MYO3A: variants seen among roughly 807,000 people sequenced by gnomAD.
The protein encoded by MYO3A is myosin IIIA.
In MYO3A, 180 loss-of-function variants were observed where a neutral mutation model predicts 192.7. That is an observed-to-expected ratio of 0.93 (90% CI 0.83 to 1.06). The LOEUF is 1.06. Ranked by LOEUF, MYO3A falls within the 50% of genes least tolerant of loss-of-function variation. The pLI is 0.00. For synonymous variants in MYO3A, 628 were observed against 645.3 expected (o/e 0.97, Z 0.41); for missense variants, 1,896 against 1,905.0 (o/e 1.00, Z 0.09).
In MYO3A at chr10:26,211,935, A is replaced by G. The variant is rs1364593324; in HGVS notation, c.4823A>G (p.Gln1608Arg). The part of the protein sequence containing the change: ...DFRRLLRKTS[Q>R]RRRLVQQS ...AGGAGGCTCCTGCGCAAAACCTCCCAGCGCCGGCGCCTCGTCCAGCAGTCC... is the reference window on the plus strand; with the variant it reads ...AGGAGGCTCCTGCGCAAAACCTCCCGGCGCCGGCGCCTCGTCCAGCAGTCC... Residue 1608 changes from glutamine (Q) to arginine (R), a missense_variant, in exon 35 of 35, where the codon CAG (glutamine) becomes CGG (arginine). Gln to Arg is a conservative substitution (Grantham distance 43). Transcript: ENST00000642920. The G allele has an allele frequency of 1.2e-6, 2 of 1,613,850 alleles. No individual in the cohort carries two copies. The highest frequency in any genetic ancestry group is 1.7e-6 in the Non-Finnish European group (2 of 1,179,990).
intron 17 of MYO3A, among the ~76,000 whole-genome samples, chr10:26,107,318 C>T (rs184031767): frequency 6.6e-6 from 1 of 151,788 alleles, no homozygotes; most frequent in East Asian, 1.9e-4. Context: ...CGTCTCTACT[C>T]AAAATACAAA....
At chr10:26,159,536 C>T (rs774589696) in intron 26 of MYO3A, among the ~76,000 whole-genome samples, 5 of 150,984 alleles carry the variant, frequency 3.3e-5, no homozygotes, top group Non-Finnish European at 3.0e-5. Context: ...CCCACCACCA[C>T]GCCCGGCTAA....
chr10:25,954,976 G>T lies in MYO3A; in HGVS notation c.271G>T (p.Val91Leu), dbSNP rs775244099. ...TGGGATATACTTTAAGAAGGATAAA[G>T]TAAATGGAGACAAGCTGTGGTTGGT... ...FYGIYFKKDK[V>L]NGDKLWLVLE... Residue 91 changes from valine (V) to leucine (L), a missense_variant, in exon 4 of 35, where the codon GTA becomes TTA. Physicochemically the swap from Val to Leu is conservative, Grantham distance 32. Coordinates refer to ENST00000642920, the MANE Select transcript of MYO3A (RefSeq NM_017433.5). 6 of 1,613,002 alleles carry T rather than the reference G, an allele frequency of 3.7e-6. No homozygotes were observed. In the African/African-American group the frequency reaches 4.0e-5, roughly 11 times the overall value.
chr10:26,015,552 G>C (rs1483633085), intron 6 of MYO3A, among the ~76,000 whole-genome samples: 2 of 152,046 alleles, frequency 1.3e-5, no homozygotes, highest in Non-Finnish European at 2.9e-5. Flanking sequence ...TTTCTTTCCA[G>C]CTTAAGTTTA....
intron 34 of MYO3A, among the ~76,000 whole-genome samples, chr10:26,208,431 C>G (rs928048733): frequency 6.6e-6 from 1 of 152,152 alleles, no homozygotes; most frequent in Non-Finnish European, 1.5e-5. Flanking sequence ...TGAATCTGCA[C>G]TCCACTTCTT....
intron 7 of MYO3A, 68 bp from the exon 8 acceptor site, chr10:26,021,435 C>A (rs1842295074): frequency 1.9e-6 from 3 of 1,543,236 alleles, no homozygotes; most frequent in East Asian, 4.5e-5. Flanking sequence ...ATGCTTTGTT[C>A]TAAGTATTTT....
chr10:26,149,288 G>A (rs1840651568), intron 23 of MYO3A, among the ~76,000 whole-genome samples: 1 of 151,996 alleles, frequency 6.6e-6, no homozygotes, highest in Non-Finnish European at 1.5e-5. Context: ...AGGCTAGAGT[G>A]CAGTGGCACA....
rs748000984 is a variant in MYO3A, at chr10:26,145,568, C to T, written c.2505+34C>T. 1.2e-5 allele frequency: 18 copies of T among 1,455,086 alleles called. No homozygotes were observed. In the African/African-American group the frequency reaches 2.1e-4, roughly 17 times the overall value. The allele number at this position is 1,455,086 out of a possible 1,614,324, so 90.1% of individuals were successfully genotyped here. ...TCTAAAGAATTATGACTGAGTTTCT[C>T]CTTAGCCTTTTAATGAATAATAGGA... is the stretch of plus-strand genomic sequence containing the variant. On this transcript the variant is annotated intron_variant, in intron 22 of 34. Coordinates refer to ENST00000642920, the MANE Select transcript of MYO3A (RefSeq NM_017433.5).
Position 26,176,783 on chromosome 10 carries a change from A to G in MYO3A, c.4376A>G (p.Tyr1459Cys), listed in dbSNP as rs761832641. Reference sequence around the variant, plus strand: ...TTGTCACAGCAACTGAAGTCACTTTATCTGGGTGTCTCGCACCATAAGCCA... The same window carrying G: ...TTGTCACAGCAACTGAAGTCACTTTGTCTGGGTGTCTCGCACCATAAGCCA... Reference protein sequence around the residue: ...MILSQQLKSLYLGVSHHKPIN... With the variant: ...MILSQQLKSLCLGVSHHKPIN... The change falls in exon 31 of 35, where the codon TAT becomes TGT. Residue 1459 changes from tyrosine to cysteine, a missense_variant. Tyr to Cys is a radical substitution (Grantham distance 194). Transcript: ENST00000642920. The G allele has an allele frequency of 6.2e-6, 10 of 1,614,028 alleles. No individual in the cohort carries two copies. Among genetic ancestry groups the G allele is most frequent in the Non-Finnish European group, 8.5e-6 (10 of 1,179,840 alleles).
chr10:25,991,695 G>A (rs538532216), intron 4 of MYO3A, among the ~76,000 whole-genome samples: 1 of 152,284 alleles, frequency 6.6e-6, no homozygotes, highest in African/African-American at 2.4e-5. Flanking sequence ...TTTGTATAAG[G>A]TGTAAGGAAG....
chr10:26,150,085 T>G (rs999637743), intron 23 of MYO3A, among the ~76,000 whole-genome samples: 1 of 151,760 alleles, frequency 6.6e-6, no homozygotes, highest in Admixed American at 6.6e-5. Flanking sequence ...TATCCAATCA[T>G]CCATTGATGG....
intron 32 of MYO3A, among the ~76,000 whole-genome samples, chr10:26,200,270 A>G (rs1589120457): frequency 6.6e-6 from 1 of 152,232 alleles, no homozygotes; most frequent in Non-Finnish European, 1.5e-5. Context: ...AAATCCTGAA[A>G]AAAACGTGAC....
At chr10:26,088,500 T>C in intron 15 of MYO3A, 95 bp downstream of exon 15, 1 of 1,215,886 alleles carries the variant, frequency 8.2e-7, no homozygotes, top group Middle Eastern at 2.0e-4. Context: ...TAAAATTTTA[T>C]TTATCACTTA....
At chr10:26,113,281 G>A (rs1838301726) in intron 17 of MYO3A, among the ~76,000 whole-genome samples, 1 of 151,928 alleles carries the variant, frequency 6.6e-6, no homozygotes, top group South Asian at 2.1e-4. Context: ...GACCGGCCTG[G>A]GCAAACAGTG....
intron 10 of MYO3A, among the ~76,000 whole-genome samples, chr10:26,029,766 AC>A (rs1842725296): frequency 6.6e-6 from 1 of 152,148 alleles, no homozygotes; most frequent in Non-Finnish European, 1.5e-5. Flanking sequence ...GCATTTCAAC[AC>A]AGGTGAATTG....
At chr10:26,100,365 T>G (rs1243032666) in intron 17 of MYO3A, among the ~76,000 whole-genome samples, 1 of 152,196 alleles carries the variant, frequency 6.6e-6, no homozygotes, top group African/African-American at 2.4e-5. Context: ...GCTCCTGGAT[T>G]CATTGATTTT....
chr10:26,011,443 TA>T (rs989620587), intron 6 of MYO3A, among the ~76,000 whole-genome samples: 342 of 150,760 alleles, frequency 2.3e-3, no homozygotes, highest in African/African-American at 7.9e-3. Context: ...TAAAAAAGTT[TA>T]AAAAAAAAGA....
intron 20 of MYO3A, among the ~76,000 whole-genome samples, chr10:26,135,791 C>A (rs1006711160): frequency 6.6e-6 from 1 of 151,830 alleles, no homozygotes. Flanking sequence ...CATGGCGACA[C>A]CTCATCTCTA....
At chr10:26,032,643 A>G (rs1842854610) in intron 10 of MYO3A, among the ~76,000 whole-genome samples, 1 of 151,976 alleles carries the variant, frequency 6.6e-6, no homozygotes, top group Non-Finnish European at 1.5e-5. Context: ...AAAAAAAACC[A>G]ACAAAAAAAA....
Sources: gnomAD v4.1 joint callset for allele counts (sites outside exome capture counted in the v4.1 genomes callset) on GRCh38, gnomAD v4.1.1 for gene constraint, MANE v1.5 for transcripts, NCBI Gene and HGNC (gene_info 2026-07-23, HGNC 2026-07-21) for gene names.